TDRKH: variants seen among roughly 807,000 people sequenced by gnomAD.
The protein encoded by TDRKH is tudor and KH domain-containing protein.
A neutral mutation model predicts 61.3 loss-of-function variants in TDRKH; 28 were observed. The ratio of observed to expected loss-of-function variants is 0.46; its 90% CI spans 0.34 to 0.63. The LOEUF (loss-of-function observed/expected upper bound fraction) is 0.63. Among genes scored for constraint, TDRKH ranks in the 20% least tolerant of loss-of-function variants. The probability of loss-of-function intolerance (pLI) is 0.01; values close to 1 mark genes in which losing one functional copy is unlikely to be tolerated. For missense variants in TDRKH, 540 were observed against 683.4 expected (o/e 0.79, Z 2.34); for synonymous variants, 219 against 244.4 (o/e 0.90, Z 0.97).
At chr1:151,774,551 T>C (rs1172175920) in intron 12 of TDRKH, 47 bp from the exon 13 acceptor site, 4 of 1,608,704 alleles carry the variant, frequency 2.5e-6, no homozygotes, top group Non-Finnish European at 3.4e-6. Flanking sequence ...TGCCCTATTC[T>C]AGCAGGCAAT....
At chr1:151,782,875 C>T (rs746122483) in intron 2 of TDRKH, 24 bp downstream of exon 2, 44 of 1,535,684 alleles carry the variant, frequency 2.9e-5, no homozygotes, top group Non-Finnish European at 3.9e-5. Flanking sequence ...CATTTTCACA[C>T]ACACAGTCAT....
At chr1:151,776,717 G>T (rs1649218635) in intron 6 of TDRKH, 118 bp from the exon 7 acceptor site, 6 of 1,185,304 alleles carry the variant, frequency 5.1e-6, no homozygotes, top group Admixed American at 5.3e-5. Flanking sequence ...TAAAATGGCA[G>T]GAGAGGCAAC....
intron 6 of TDRKH, 58 bp downstream of exon 6, chr1:151,778,627 A>G (rs962775285): frequency 6.9e-6 from 11 of 1,604,316 alleles, no homozygotes; most frequent in East Asian, 4.5e-5. Context: ...AATCTCTCCA[A>G]TATCTAAGCC....
intron 1 of TDRKH, chr1:151,783,555 T>A (rs544827868): frequency 6.6e-6 from 1 of 152,472 alleles, no homozygotes; most frequent in South Asian, 2.1e-4. Context: ...GGTTCTTCCC[T>A]GCTCCATCGC....
At chr1:151,767,216 A>C (rs146697579), downstream of TDRKH, 14 of 1,614,048 alleles carry the variant, frequency 8.7e-6, no homozygotes, top group East Asian at 2.5e-4. Context: ...TCCTGCCTCC[A>C]GTGCTCCTGA....
downstream of TDRKH, chr1:151,769,306 CAGACGGG>C: frequency 6.8e-6 from 1 of 146,790 alleles, no homozygotes; most frequent in Non-Finnish European, 1.5e-5. Flanking sequence ...ACCTCCCTCC[CAGACGGG>C]GCGGCTGACC....
downstream of TDRKH, among the ~76,000 whole-genome samples, chr1:151,769,941 AC>A: frequency 7.4e-6 from 1 of 134,732 alleles, no homozygotes; most frequent in East Asian, 2.1e-4. Context: ...GCATGGCGGC[AC>A]GCGCCTGCAA....
chr1:151,778,372 GGAA>G (rs1558142284), intron 6 of TDRKH, among the ~76,000 whole-genome samples: 1 of 152,204 alleles, frequency 6.6e-6, no homozygotes. Flanking sequence ...TTTTGGAAAA[GGAA>G]GAAGACTTTC....
chr1:151,770,293 G>A, downstream of TDRKH: 1 of 1,599,614 alleles, frequency 6.3e-7, no homozygotes, highest in South Asian at 1.1e-5. Flanking sequence ...TTTTCGCGCT[G>A]AGGCAGCTGG....
chr1:151,770,089 GGGAGACCATGGGGAGACGGAGAC>G (rs140076465), downstream of TDRKH: 744,984 of 1,582,910 alleles, frequency 0.47, 179,238 homozygotes, highest in Non-Finnish European at 0.51. Flanking sequence ...GAGAGGGAGA[GGGAGACCATGGGGAGACGGAGAC>G]GGAGAGGGAG....
intron 1 of TDRKH, among the ~76,000 whole-genome samples, chr1:151,788,089 G>T (rs1002900614): frequency 2.6e-5 from 4 of 152,170 alleles, no homozygotes; most frequent in African/African-American, 9.7e-5. Context: ...TTTGGGTTCT[G>T]CAGGGTTCCT....
chr1:151,779,466 T>C (rs552334324), intron 4 of TDRKH, among the ~76,000 whole-genome samples: 4 of 152,336 alleles, frequency 2.6e-5, no homozygotes, highest in African/African-American at 7.2e-5. Flanking sequence ...CTCTACACTT[T>C]GGCTAACTTC....
chr1:151,784,400 C>G (rs1240749552), intron 1 of TDRKH, among the ~76,000 whole-genome samples: 1 of 152,214 alleles, frequency 6.6e-6, no homozygotes, highest in African/African-American at 2.4e-5. Context: ...AAGGAAAACT[C>G]GAGTGTCAAT....
At chr1:151,767,307 G>A (rs372395575), downstream of TDRKH, 1 of 1,612,890 alleles carries the variant, frequency 6.2e-7, no homozygotes. Flanking sequence ...TCGGTAAGTG[G>A]ACTGTGAGCT....
In TDRKH at chr1:151,775,433, T is replaced by C; in HGVS notation, c.1393A>G (p.Thr465Ala). 6.2e-7 allele frequency: 1 copy of C among 1,614,082 alleles called. No individual in the cohort carries two copies. The highest frequency in any genetic ancestry group is 8.5e-7 in the Non-Finnish European group (1 of 1,180,004). The change falls in exon 10 of 13, where the codon ACT becomes GCT. Residue 465 changes from threonine to alanine, a missense_variant. This residue lies in a region of TDRKH where 379 missense variants were observed against 443.8 expected (regional missense o/e 0.85). Coordinates refer to ENST00000368824, the MANE Select transcript of TDRKH (RefSeq NM_001083965.2). ...ISSYVQTGIS[T>A]WPKIYLYDTS... ...TCATATAAGTAGATCTTTGGCCAAG[T>C]TGAGATCCCAGTCTGGACATAGCTA...
chr1:151,777,207 G>C (rs776995690), intron 6 of TDRKH, among the ~76,000 whole-genome samples: 13 of 152,188 alleles, frequency 8.5e-5, no homozygotes, highest in Non-Finnish European at 1.5e-4. Context: ...CACTTTGGGA[G>C]GCCAAGGTGG....
intron 6 of TDRKH, among the ~76,000 whole-genome samples, chr1:151,777,441 G>C (rs941861488): frequency 6.6e-6 from 1 of 151,146 alleles, no homozygotes; most frequent in Non-Finnish European, 1.5e-5. Context: ...GGAAGACTCT[G>C]TCTCAAAAAA....
At chr1:151,779,564 A>G (rs995971266) in intron 4 of TDRKH, among the ~76,000 whole-genome samples, 2 of 152,222 alleles carry the variant, frequency 1.3e-5, no homozygotes, top group Non-Finnish European at 2.9e-5. Flanking sequence ...CGGATCAAGG[A>G]CAGGACATTT....
intron 4 of TDRKH, 121 bp downstream of exon 4, chr1:151,779,830 G>T: frequency 9.8e-7 from 1 of 1,018,328 alleles, no homozygotes; most frequent in Non-Finnish European, 1.4e-6. Context: ...TGGTCTCAAT[G>T]TCCCTTTTTT....
Sources: gnomAD v4.1 joint callset for allele counts (sites outside exome capture counted in the v4.1 genomes callset) on GRCh38, gnomAD v4.1.1 for gene constraint, gnomAD v4.1.1 regional missense constraint, MANE v1.5 for transcripts, NCBI Gene and HGNC (gene_info 2026-07-23, HGNC 2026-07-21) for gene names.